Variants in TNPO2 observed in about 807,000 individuals in gnomAD.
The protein encoded by TNPO2 is transportin-2.
A neutral mutation model predicts 111.1 loss-of-function variants in TNPO2; 16 were observed. The observed-to-expected ratio is 0.14, with a 90% CI of 0.10 to 0.22. TNPO2 has a LOEUF of 0.22. Among genes scored for constraint, TNPO2 ranks in the 10% least tolerant of loss-of-function variants. The pLI is 1.00. For synonymous variants in TNPO2, 481 were observed against 475.8 expected (o/e 1.01, Z -0.14); for missense variants, 530 against 1,173.7 (o/e 0.45, Z 8.01).
intron 10 of TNPO2, among the ~76,000 whole-genome samples, chr19:12,712,585 A>G (rs1434119682): frequency 6.6e-6 from 1 of 152,212 alleles, no homozygotes; most frequent in Non-Finnish European, 1.5e-5. Context: ...ATAATGGCAT[A>G]CGCTGTCTTT....
chr19:12,716,857 G>A (rs1369346305), intron 5 of TNPO2, among the ~76,000 whole-genome samples: 1 of 152,144 alleles, frequency 6.6e-6, no homozygotes, highest in Non-Finnish European at 1.5e-5. Context: ...GGGCATCTGA[G>A]GCAGGGGACT....
intron 12 of TNPO2, 97 bp from the exon 13 acceptor site, chr19:12,710,870 G>A (rs1485375133): frequency 2.5e-6 from 3 of 1,190,018 alleles, no homozygotes; most frequent in South Asian, 1.6e-5. Flanking sequence ...ATCATGCTCA[G>A]AATCTTCACG....
At position 12,705,288 on chromosome 19, in the gene TNPO2, C is replaced by G. The variant is rs770722987; in HGVS notation, c.1974G>C (p.Gln658His). 7.5e-5 allele frequency: 120 copies of G among 1,604,044 alleles called. No homozygotes were observed. The highest frequency in any genetic ancestry group is 1.0e-4 in the Non-Finnish European group (119 of 1,175,598). Residue 658 changes from glutamine to histidine, a missense_variant, in exon 18 of 26, where the codon CAG becomes CAC. Gln to His is a conservative substitution (Grantham distance 24). Coordinates refer to ENST00000425528, the MANE Select transcript of TNPO2 (RefSeq NM_001382241.1). This position sits in a 1 kb window ranked among gnomAD's most constrained non-coding sequence, Gnocchi z 7.2. ...TCATGATGTTGCTGCGGGCCACCAG[C>G]TGCTCCACGTGACCACCCAGGCCCT... Reference protein sequence around the residue: ...LAEGLGGHVEQLVARSNIMTL... With the variant: ...LAEGLGGHVEHLVARSNIMTL...
At chr19:12,720,326 C>A (rs986296735) in intron 3 of TNPO2, among the ~76,000 whole-genome samples, 1 of 151,972 alleles carries the variant, frequency 6.6e-6, no homozygotes, top group Non-Finnish European at 1.5e-5. Flanking sequence ...GCCTATATAT[C>A]TTTTCTTTGA....
At position 12,715,538 on chromosome 19, in the gene TNPO2, C is replaced by T; in HGVS notation, c.433G>A (p.Gly145Arg). 6.2e-7 allele frequency: 1 copy of T among 1,613,918 alleles called. No homozygotes were observed. Among genetic ancestry groups the T allele is most frequent in the Non-Finnish European group, 8.5e-7 (1 of 1,179,856 alleles). ...ATCTTCTGCAGGGCTCCAAAGGCTC[C>T]CTGAGTGCAGAGGGGCAGAGAGACA... Reference protein sequence around the residue: ...LNSEDYNTCEGAFGALQKICE... With the variant: ...LNSEDYNTCERAFGALQKICE... The change falls in exon 7 of 26, where the codon GGA becomes AGA. Residue 145 changes from glycine (G) to arginine (R), a missense_variant and splice_region_variant. By Grantham distance (125) the Gly-to-Arg change is moderately radical (BLOSUM62 -2). Coordinates refer to ENST00000425528, the MANE Select transcript of TNPO2 (RefSeq NM_001382241.1). The surrounding 1 kb of genome is among the most constrained non-coding windows in gnomAD (Gnocchi z 7.1).
Position 12,702,202 on chromosome 19 carries a change from C to T in TNPO2, c.2306-25G>A, listed in dbSNP as rs760879225. 1 of 1,595,388 alleles carries T rather than the reference C, an allele frequency of 6.3e-7. No individual in the cohort carries two copies. Among genetic ancestry groups the T allele is most frequent in the Non-Finnish European group, 8.6e-7 (1 of 1,168,324 alleles). On this transcript the variant is annotated intron_variant, in intron 21 of 25. Transcript: ENST00000425528. This position sits in a 1 kb window ranked among gnomAD's most constrained non-coding sequence, Gnocchi z 5.5. ...CCTGCAACCCCGAGCGGCCCCGGGACGGTACGTGGCGGGGCCTCTGGCACA... is the reference window on the plus strand; with the variant it reads ...CCTGCAACCCCGAGCGGCCCCGGGATGGTACGTGGCGGGGCCTCTGGCACA...
Position 12,721,327 on chromosome 19 carries a change from C to T in TNPO2, c.-13-337G>A, listed in dbSNP as rs1966926298. ...CCGGCTCCGAGCCCGAAGGCTTCCACCTCCCTCGCAGCGGCTGGGCGAGGG... is the reference window on the plus strand; with the variant it reads ...CCGGCTCCGAGCCCGAAGGCTTCCATCTCCCTCGCAGCGGCTGGGCGAGGG... On this transcript the variant is annotated intron_variant, in intron 2 of 25. Transcript: ENST00000425528. This position sits in a 1 kb window ranked among gnomAD's most constrained non-coding sequence, Gnocchi z 4.9. The T allele has an allele frequency of 7.8e-7, 1 of 1,281,942 alleles. No individual in the cohort carries two copies. The highest frequency in any genetic ancestry group is 1.0e-6 in the Non-Finnish European group (1 of 992,658). The allele number at this position is 1,281,942 out of a possible 1,614,324, so 79.4% of individuals were successfully genotyped here. A position where few individuals can be genotyped will look rare whatever the true frequency, so the allele number is the denominator to read the frequency against.
rs2025305509 is a variant in TNPO2, at chr19:12,701,586, A to AC, written c.2586+11dup. Reference sequence around the variant, plus strand: ...CTCCCGGAACTAGATCAGGGCCCAGACAGAGCCTCACCTTATAAAACATGT... The same window carrying AC: ...CTCCCGGAACTAGATCAGGGCCCAGACCAGAGCCTCACCTTATAAAACATGT... On this transcript the variant is annotated intron_variant, in intron 24 of 25. Transcript: ENST00000425528. This position sits in a 1 kb window ranked among gnomAD's most constrained non-coding sequence, Gnocchi z 5.0. 2 of 1,613,504 alleles carry AC rather than the reference A, an allele frequency of 1.2e-6. No homozygotes were observed. Among genetic ancestry groups the AC allele is most frequent in the Non-Finnish European group, 8.5e-7 (1 of 1,179,714 alleles).
At chr19:12,709,767 GCCAC>G (rs2025934118) in intron 13 of TNPO2, among the ~76,000 whole-genome samples, 1 of 151,138 alleles carries the variant, frequency 6.6e-6, no homozygotes, top group South Asian at 2.1e-4. Context: ...ACAGGCATGA[GCCAC>G]CACACCTGGC....
chr19:12,708,052 C>T (rs1028208178), intron 13 of TNPO2, among the ~76,000 whole-genome samples: 34 of 152,228 alleles, frequency 2.2e-4, no homozygotes, highest in African/African-American at 8.2e-4. Context: ...GAACTCCTGA[C>T]CTCAGTTGAT....
chr19:12,715,320 G>A lies in TNPO2; in HGVS notation c.571C>T (p.His191Tyr). ...AACTGGTTCACGCAGGCGATGGCGTGGGACCTGGCGGGGAGCAGACACGTG... is the reference window on the plus strand; with the variant it reads ...AACTGGTTCACGCAGGCGATGGCGTAGGACCTGGCGGGGAGCAGACACGTG... ...FKHCSPKIRSHAIACVNQFIM... is the reference protein window; with the variant it reads ...FKHCSPKIRSYAIACVNQFIM... Residue 191 changes from histidine to tyrosine, a missense_variant, in exon 8 of 26, where the codon CAC becomes TAC. His to Tyr is a moderately conservative substitution (Grantham distance 83, BLOSUM62 2). Around this residue, in one of 4 missense-constraint regions of TNPO2, gnomAD observed 156 missense variants for 405.8 expected, o/e 0.38. Transcript: ENST00000425528. The surrounding 1 kb of genome is among the most constrained non-coding windows in gnomAD (Gnocchi z 7.1). The A allele has an allele frequency of 6.2e-7, 1 of 1,613,816 alleles. No individual in the cohort carries two copies.
In TNPO2 at chr19:12,721,750, TC is replaced by T. The variant is rs1467384966; in HGVS notation, c.-13-761del. ...TAGGAGCCCCCTGGACCGATCCCAG[TC>T]GCCTTCCCCAATCAGGTCTGGCCAA... On this transcript the variant is annotated intron_variant, in intron 2 of 25. Coordinates refer to ENST00000425528, the MANE Select transcript of TNPO2 (RefSeq NM_001382241.1). This position sits in a 1 kb window ranked among gnomAD's most constrained non-coding sequence, Gnocchi z 4.9. 3 of 158,240 alleles carry T rather than the reference TC, an allele frequency of 1.9e-5. No individual in the cohort carries two copies. Among genetic ancestry groups the T allele is most frequent in the Admixed American group, 1.3e-4 (2 of 15,292 alleles). 9.8% of individuals were successfully genotyped at this position (158,240 alleles called of 1,614,324 possible).
At chr19:12,716,392 G>A (rs192446625) in intron 5 of TNPO2, among the ~76,000 whole-genome samples, 1 of 152,274 alleles carries the variant, frequency 6.6e-6, no homozygotes, top group Admixed American at 6.5e-5. Context: ...TTGGGGGACC[G>A]AGGTGGGTGG....
chr19:12,701,057 A>T lies in TNPO2; in HGVS notation c.*207T>A. 2.0e-5 allele frequency: 7 copies of T among 346,700 alleles called. No homozygotes were observed. Among genetic ancestry groups the T allele is most frequent in the East Asian group, 5.4e-5 (1 of 18,678 alleles). 21.5% of individuals were successfully genotyped at this position (346,700 alleles called of 1,614,324 possible). A position where few individuals can be genotyped will look rare whatever the true frequency, so the allele number is the denominator to read the frequency against. On this transcript the variant is annotated 3_prime_UTR_variant, in exon 26 of 26. Coordinates refer to ENST00000425528, the MANE Select transcript of TNPO2 (RefSeq NM_001382241.1). This position sits in a 1 kb window ranked among gnomAD's most constrained non-coding sequence, Gnocchi z 5.0. ...CCCCCACCTCCCCGTTTGTAGGATG[A>T]GCATGGTGGCCCCACCCACCTGCCA...
rs2025987264 is a variant in TNPO2 at position 12,710,687 on chromosome 19, G to A, written c.1204C>T (p.Leu402Phe). 6.2e-7 allele frequency: 1 copy of A among 1,613,650 alleles called. No individual in the cohort carries two copies. Among genetic ancestry groups the A allele is most frequent in the Non-Finnish European group, 8.5e-7 (1 of 1,179,766 alleles). ...LPHLLPLLKG[L>F]LFHPEWVVKE... ...ACCACCCACTCGGGGTGGAAGAGGAGGCCTTTGAGTAGTGGGAGTAGGTGG... is the reference window on the plus strand; with the variant it reads ...ACCACCCACTCGGGGTGGAAGAGGAAGCCTTTGAGTAGTGGGAGTAGGTGG... Residue 402 changes from leucine to phenylalanine, a missense_variant, in exon 13 of 26, where the codon CTC (leucine) becomes TTC (phenylalanine). Leu to Phe is a conservative substitution (Grantham distance 22, BLOSUM62 0). Coordinates refer to ENST00000425528, the MANE Select transcript of TNPO2 (RefSeq NM_001382241.1).
intron 5 of TNPO2, among the ~76,000 whole-genome samples, chr19:12,718,104 A>G (rs538622882): frequency 6.6e-5 from 10 of 152,154 alleles, no homozygotes; most frequent in Non-Finnish European, 1.2e-4. Context: ...TCCTGGGTTC[A>G]AGCAATTCTC....
intron 18 of TNPO2, among the ~76,000 whole-genome samples, chr19:12,704,481 A>G (rs758113561): frequency 6.6e-6 from 1 of 152,170 alleles, no homozygotes; most frequent in African/African-American, 2.4e-5. Context: ...TACAATGTCA[A>G]CAGTATGGGA....
rs1241681407 is a variant in TNPO2 at position 12,711,352 on chromosome 19, C to G, written c.1061G>C (p.Gly354Ala). The G allele has an allele frequency of 6.2e-7, 1 of 1,614,026 alleles. No homozygotes were observed. Among genetic ancestry groups the G allele is most frequent in the South Asian group, 1.1e-5 (1 of 91,080 alleles). ...ATCGTCATCCTCCGCGTCCTCGGAGCCATCAGGCCGCTCAGCCTCGTGGGG... is the reference window on the plus strand; with the variant it reads ...ATCGTCATCCTCCGCGTCCTCGGAGGCATCAGGCCGCTCAGCCTCGTGGGG... ...TLPHEAERPD[G>A]SEDAEDDDDD... The change falls in exon 12 of 26, where the codon GGC becomes GCC. Residue 354 changes from glycine to alanine, a missense_variant. Around this residue, in one of 4 missense-constraint regions of TNPO2, gnomAD observed 88 missense variants for 130.2 expected, o/e 0.68. Transcript: ENST00000425528.
Position 12,711,453 on chromosome 19 carries a change from C to T in TNPO2, c.960G>A (p.Val320=), listed in dbSNP as rs376153975. 1.6e-5 allele frequency: 26 copies of T among 1,613,838 alleles called. No individual in the cohort carries two copies. Among genetic ancestry groups the T allele is most frequent in the Non-Finnish European group, 2.2e-5 (26 of 1,179,874 alleles). ...EIDIILLKGD[V]EEDEAVPDSE... ...TGTCGGGGACAGCCTCATCCTCCTC[C>T]ACATCCCCCTGGGGGACAGGCAGAC... is the stretch of plus-strand genomic sequence containing the variant. Residue 320 remains valine (V), a synonymous_variant, in exon 12 of 26, where the codon GTG becomes GTA. Transcript: ENST00000425528.
Sources: allele counts gnomAD v4.1 joint callset (sites outside exome capture counted in the v4.1 genomes callset), GRCh38; gene constraint gnomAD v4.1.1; regional missense constraint gnomAD v4.1.1; non-coding constraint Gnocchi (gnomAD v3.1); transcripts MANE v1.5; gene names NCBI Gene and HGNC (gene_info 2026-07-23, HGNC 2026-07-21).